Variants in CSNK1G3 observed in about 807,000 individuals in gnomAD.
The protein encoded by CSNK1G3 is casein kinase I isoform gamma-3.
CSNK1G3 carries 23 observed loss-of-function variants against 64.3 expected under a neutral mutation model. The ratio of observed to expected loss-of-function variants is 0.36; its 90% confidence interval spans 0.26 to 0.51. The LOEUF (loss-of-function observed/expected upper bound fraction) is 0.51, where lower values mean the gene tolerates loss of function less well. CSNK1G3 is among the 20% of genes least tolerant of loss of function. The pLI is 0.96. For synonymous variants in CSNK1G3, 158 were observed against 162.2 expected, an observed-to-expected ratio of 0.97 and a Z score of 0.20; for missense variants, 357 against 510.5, an observed-to-expected ratio of 0.70 and a Z score of 2.90.
At chr5:123,593,247 C>T (rs1792774475) in intron 10 of CSNK1G3, among the ~76,000 whole-genome samples, 1 of 150,268 alleles carries the variant, frequency 6.7e-6, no homozygotes, top group Non-Finnish European at 1.5e-5. Flanking sequence ...AATATTTAGG[C>T]AATTCTTTAG....
At position 123,593,963 on chromosome 5, in the gene CSNK1G3, C is replaced by T. The variant is rs371168811; in HGVS notation, c.1086+2549C>T. Among the ~76,000 whole-genome samples, 4 of 152,058 alleles carry T rather than the reference C, an allele frequency of 2.6e-5. No individual in the cohort carries two copies. The South Asian group carries it at 8.3e-4, about 32-fold the overall frequency. ...AAAAGAAAGAAAAGAGTACTGAAGGCTTTAGAATATATTTAATTTTCGTAA... is the reference window on the plus strand; with the variant it reads ...AAAAGAAAGAAAAGAGTACTGAAGGTTTTAGAATATATTTAATTTTCGTAA... On this transcript the variant is annotated intron_variant, in intron 10 of 12. Transcript: ENST00000345990.
chr5:123,517,272 C>T (rs1777337739), intron 1 of CSNK1G3, among the ~76,000 whole-genome samples: 1 of 152,110 alleles, frequency 6.6e-6, no homozygotes, highest in Admixed American at 6.6e-5. Context: ...GTAGACTATT[C>T]TTTAGTTTTA....
rs139720005 is a variant in CSNK1G3, at chr5:123,554,456, A to G, written c.219+1309A>G. Among the ~76,000 whole-genome samples the G allele has an allele frequency of 3.8e-3, 584 of 152,292 alleles. 3 individuals are homozygous for G. The highest frequency in any genetic ancestry group is 0.013 in the African/African-American group (535 of 41,574). ...GTCTAGAAAGCCCAAGTTTCTTTCT[A>G]TGGGCCGATGTACATAGAAAGCCAA... On this transcript the variant is annotated intron_variant, in intron 3 of 12. Coordinates refer to ENST00000345990, the Ensembl canonical transcript of CSNK1G3.
chr5:123,512,885 G>A (rs1776480558), intron 1 of CSNK1G3, among the ~76,000 whole-genome samples: 1 of 152,092 alleles, frequency 6.6e-6, no homozygotes, highest in African/African-American at 2.4e-5. Flanking sequence ...CGACTGGGGC[G>A]GCGAGGGAGG....
At chr5:123,567,330 G>A (rs1243666179) in intron 4 of CSNK1G3, among the ~76,000 whole-genome samples, 1 of 152,198 alleles carries the variant, frequency 6.6e-6, no homozygotes, top group Admixed American at 6.5e-5. Context: ...GCCAGGCGTG[G>A]TGGCTCACGC....
In CSNK1G3 at chr5:123,575,755, A is replaced by G. The variant is rs748590700; in HGVS notation, c.465A>G (p.Ser155=). ...TTTCTCGCATGGAATATGTCCATTC[A>G]AAGAACTTGATATACAGAGATGTAA... Residue 155 remains serine, a synonymous_variant, in exon 6 of 13, where the codon TCA becomes TCG. Coordinates refer to ENST00000345990, the Ensembl canonical transcript of CSNK1G3. The G allele has an allele frequency of 8.1e-6, 13 of 1,613,210 alleles. No individual in the cohort carries two copies. The South Asian group carries it at 1.4e-4, about 18-fold the overall frequency.
At chr5:123,575,031 T>A (rs1373002883) in intron 5 of CSNK1G3, among the ~76,000 whole-genome samples, 1 of 152,216 alleles carries the variant, frequency 6.6e-6, no homozygotes, top group Non-Finnish European at 1.5e-5. Context: ...TGATTATCAC[T>A]AAATGAAGCA....
At chr5:123,538,205 T>C (rs1781141559) in intron 1 of CSNK1G3, among the ~76,000 whole-genome samples, 1 of 152,206 alleles carries the variant, frequency 6.6e-6, no homozygotes, top group Non-Finnish European at 1.5e-5. Context: ...AAGAGTGGCA[T>C]TGCTAGGTCA....
intron 7 of CSNK1G3, 72 bp from the exon 8 acceptor site, chr5:123,588,355 G>A (rs1027023374): frequency 1.7e-5 from 22 of 1,266,542 alleles, no homozygotes; most frequent in Non-Finnish European, 2.5e-5. Flanking sequence ...GTGATTACAG[G>A]CTACCGTGTG....
At chr5:123,569,671 G>A (rs114110584) in intron 4 of CSNK1G3, among the ~76,000 whole-genome samples, 244 of 152,238 alleles carry the variant, frequency 1.6e-3, no homozygotes, top group African/African-American at 5.6e-3. Flanking sequence ...TTGCTTGAAA[G>A]CTTTAATTTT....
At chr5:123,536,141 A>G (rs1005993044) in intron 1 of CSNK1G3, among the ~76,000 whole-genome samples, 1 of 152,160 alleles carries the variant, frequency 6.6e-6, no homozygotes, top group Non-Finnish European at 1.5e-5. Flanking sequence ...ATTTCTGTAC[A>G]TAAGTATTTA....
chr5:123,522,040 A>G (rs1330785811), intron 1 of CSNK1G3, among the ~76,000 whole-genome samples: 1 of 152,212 alleles, frequency 6.6e-6, no homozygotes, highest in East Asian at 1.9e-4. Context: ...AGCCCTTTAA[A>G]AAAATGGCTT....
chr5:123,563,452 T>C (rs542116564), intron 4 of CSNK1G3, among the ~76,000 whole-genome samples: 1 of 152,176 alleles, frequency 6.6e-6, no homozygotes, highest in African/African-American at 2.4e-5. Context: ...ATTTGTGCCT[T>C]GTTAAAAAGT....
At chr5:123,547,623 C>T (rs914620265) in intron 2 of CSNK1G3, among the ~76,000 whole-genome samples, 20 of 152,088 alleles carry the variant, frequency 1.3e-4, no homozygotes, top group African/African-American at 2.2e-4. Context: ...ATAGGAGTAT[C>T]GTGGCTTCTT....
intron 8 of CSNK1G3, among the ~76,000 whole-genome samples, chr5:123,589,054 G>A (rs1278816719): frequency 6.6e-6 from 1 of 152,056 alleles, no homozygotes; most frequent in African/African-American, 2.4e-5. Context: ...ATTTACTTAA[G>A]ATTTCTACAT....
intron 2 of CSNK1G3, among the ~76,000 whole-genome samples, chr5:123,551,739 T>C (rs575665749): frequency 1.3e-5 from 2 of 152,272 alleles, no homozygotes; most frequent in African/African-American, 4.8e-5. Context: ...TGTTGATTGC[T>C]TCTTCTGTGT....
At chr5:123,557,756 TG>T (rs1784904236) in intron 4 of CSNK1G3, among the ~76,000 whole-genome samples, 192 bp downstream of exon 4, 1 of 152,184 alleles carries the variant, frequency 6.6e-6, no homozygotes, top group Admixed American at 6.6e-5. Flanking sequence ...ATGTTTATGC[TG>T]ATATGAGTAG....
chr5:123,576,061 T>TAAA, intron 6 of CSNK1G3, 98 bp downstream of exon 6: 1 of 654,814 alleles, frequency 1.5e-6, no homozygotes, highest in Non-Finnish European at 2.6e-6. Flanking sequence ...CAGATTATAA[T>TAAA]AGCTTTTATT....
chr5:123,525,871 G>A (rs1043281235), intron 1 of CSNK1G3, among the ~76,000 whole-genome samples: 5 of 151,572 alleles, frequency 3.3e-5, no homozygotes, highest in Admixed American at 1.3e-4. Flanking sequence ...GGTGGCGGGC[G>A]CCTGTAGTCT....
Sources: gnomAD v4.1 joint callset for allele counts (sites outside exome capture counted in the v4.1 genomes callset) on GRCh38, gnomAD v4.1.1 for gene constraint, MANE v1.5 for transcripts, NCBI Gene and HGNC (gene_info 2026-07-23, HGNC 2026-07-21) for gene names.